PTPRG: variants seen among roughly 807,000 people sequenced by gnomAD.
PTPRG encodes receptor-type tyrosine-protein phosphatase gamma.
A neutral mutation model predicts 165.3 loss-of-function variants in PTPRG; 102 were observed. That is an observed-to-expected ratio of 0.62 (90% CI 0.53 to 0.73). The LOEUF (loss-of-function observed/expected upper bound fraction) is 0.73, where lower values mean the gene tolerates loss of function less well. Among genes scored for constraint, PTPRG ranks in the 30% least tolerant of loss-of-function variants. The pLI, the probability that PTPRG is intolerant of heterozygous loss-of-function variation, is 0.00. For synonymous variants in PTPRG, 675 were observed against 669.5 expected (o/e 1.01, Z -0.13); for missense variants, 1,866 against 1,861.4 (o/e 1.00, Z -0.05).
rs1301867613 is a variant in PTPRG at position 62,167,963 on chromosome 3, C to G, written c.841-8C>G. On this transcript the variant is annotated splice_polypyrimidine_tract_variant and splice_region_variant and intron_variant, in intron 7 of 29. Transcript: ENST00000474889. The stretch of plus-strand genomic sequence containing the variant: ...TTTTCCCCCTCCCCTCTCTGGTCCT[C>G]TGTTCAGCTTGAGGCTTTTTATTCC... The G allele has an allele frequency of 6.2e-7, 1 of 1,608,426 alleles. No homozygotes were observed. Among genetic ancestry groups the G allele is most frequent in the East Asian group, 2.2e-5 (1 of 44,830 alleles).
rs185182503 is a variant in PTPRG, at chr3:61,911,270, G to A, written c.191-78355G>A. ...TCGTAATCATGAGGTCAGTACCTGT[G>A]CCTTTGTTTCTCCTTACTGTATTTT... On this transcript the variant is annotated intron_variant, in intron 2 of 29. Transcript: ENST00000474889. Among the ~76,000 whole-genome samples the A allele has an allele frequency of 3.3e-5, 5 of 152,304 alleles. No individual in the cohort carries two copies. In the East Asian group the frequency reaches 5.8e-4, roughly 18 times the overall value.
chr3:61,731,760 T>C (rs4234691), intron 1 of PTPRG, among the ~76,000 whole-genome samples: 43,583 of 151,982 alleles, frequency 0.29, 7,094 homozygotes, highest in East Asian at 0.75. Context: ...AGTTCTCCAC[T>C]GTCCAGTAGG....
intron 4 of PTPRG, among the ~76,000 whole-genome samples, chr3:62,025,275 A>G (rs2041780445): frequency 6.6e-6 from 1 of 152,218 alleles, no homozygotes; most frequent in South Asian, 2.1e-4. Flanking sequence ...TTTTTGATGC[A>G]GATGTGTTAA....
intron 8 of PTPRG, among the ~76,000 whole-genome samples, chr3:62,182,823 A>G (rs1285039244): frequency 6.6e-6 from 1 of 152,016 alleles, no homozygotes; most frequent in Non-Finnish European, 1.5e-5. Flanking sequence ...TGCCCAGCTA[A>G]TTTTTGTATA....
At chr3:62,008,279 T>C (rs2041342702) in intron 4 of PTPRG, among the ~76,000 whole-genome samples, 1 of 151,988 alleles carries the variant, frequency 6.6e-6, no homozygotes, top group Non-Finnish European at 1.5e-5. Flanking sequence ...AAGTGGGGGG[T>C]TCATTGCATG....
At chr3:61,894,671 A>G (rs1010027909) in intron 2 of PTPRG, among the ~76,000 whole-genome samples, 1 of 152,164 alleles carries the variant, frequency 6.6e-6, no homozygotes, top group Non-Finnish European at 1.5e-5. Context: ...CAAAACTGTG[A>G]TTTCAACTTG....
At chr3:62,200,399 T>C (rs1700070958) in intron 10 of PTPRG, among the ~76,000 whole-genome samples, 1 of 151,918 alleles carries the variant, frequency 6.6e-6, no homozygotes, top group Middle Eastern at 3.2e-3. Context: ...GCCTCCCGAG[T>C]AGCTGGGACT....
rs1009120201 is a variant in PTPRG, at chr3:62,296,686, C to T, written c.*3379C>T. The T allele has an allele frequency of 2.0e-5, 3 of 150,530 alleles. No individual in the cohort carries two copies. Among genetic ancestry groups the T allele is most frequent in the African/African-American group, 4.9e-5 (2 of 40,896 alleles). The allele number at this position is 150,530 out of a possible 1,614,324, so 9.3% of individuals were successfully genotyped here. A position where few individuals can be genotyped will look rare whatever the true frequency, so the allele number is the denominator to read the frequency against. The stretch of plus-strand genomic sequence containing the variant: ...TTTTAACAGATGTAATTTCACTTAA[C>T]CCTTTGCGCTTTCCCTTAGTTGTCA... On this transcript the variant is annotated 3_prime_UTR_variant, in exon 30 of 30. Coordinates refer to ENST00000474889, the MANE Select transcript of PTPRG (RefSeq NM_002841.4).
At chr3:62,187,600 C>T (rs754988481) in intron 8 of PTPRG, among the ~76,000 whole-genome samples, 1 of 152,220 alleles carries the variant, frequency 6.6e-6, no homozygotes, top group African/African-American at 2.4e-5. Context: ...GTAGTGGTTA[C>T]GAGAGACCAT....
chr3:61,587,797 C>A (rs112427531), intron 1 of PTPRG, among the ~76,000 whole-genome samples: 1 of 152,068 alleles, frequency 6.6e-6, no homozygotes, highest in African/African-American at 2.4e-5. Context: ...GCCAGGACTA[C>A]AGGTGCACAC....
chr3:62,281,547 T>TTTTTTTTTTTTTTTTTTTTTTTG lies in PTPRG; in HGVS notation c.3766-12_3766-11insTTTTTTTTTTTTTTTTTTGTTTT. ...GACAGAACTGCAGAGGCTTTTTTTT[T>TTTTTTTTTTTTTTTTTTTTTTTG]TTTTGGATTCCAAAGGCAGAAGATG... On this transcript the variant is annotated splice_polypyrimidine_tract_variant and intron_variant, in intron 26 of 29. Coordinates refer to ENST00000474889, the MANE Select transcript of PTPRG (RefSeq NM_002841.4). The TTTTTTTTTTTTTTTTTTTTTTTG allele has an allele frequency of 7.0e-7, 1 of 1,426,288 alleles. No homozygotes were observed. The highest frequency in any genetic ancestry group is 9.4e-7 in the Non-Finnish European group (1 of 1,061,664). 88.4% of individuals were successfully genotyped at this position (1,426,288 alleles called of 1,614,324 possible).
chr3:62,021,910 T>G (rs2041703369), intron 4 of PTPRG, among the ~76,000 whole-genome samples: 2 of 151,794 alleles, frequency 1.3e-5, no homozygotes, highest in South Asian at 4.2e-4. Context: ...TTCTATTGTT[T>G]TCTGATTTCC....
chr3:61,912,579 C>A (rs1389068259), intron 2 of PTPRG, among the ~76,000 whole-genome samples: 1 of 152,192 alleles, frequency 6.6e-6, no homozygotes, highest in Non-Finnish European at 1.5e-5. Flanking sequence ...GCTCAGAAGA[C>A]CGACAGTCTT....
chr3:61,640,799 C>A (rs145732010), intron 1 of PTPRG, among the ~76,000 whole-genome samples: 22 of 152,324 alleles, frequency 1.4e-4, no homozygotes, highest in African/African-American at 5.1e-4. Flanking sequence ...GTTTCTACTT[C>A]TGGTTTCTTC....
chr3:61,696,564 G>A (rs966192982), intron 1 of PTPRG, among the ~76,000 whole-genome samples: 2 of 152,172 alleles, frequency 1.3e-5, no homozygotes, highest in African/African-American at 2.4e-5. Context: ...CCCACATTTG[G>A]TTTTATAATC....
rs1700532853 is a variant in PTPRG at position 62,217,171 on chromosome 3, A to T, written c.2156-1680A>T. 6.6e-6 allele frequency among the ~76,000 whole-genome samples: 1 copy of T among 152,156 alleles called. No individual in the cohort carries two copies. The highest frequency in any genetic ancestry group is 1.5e-5 in the Non-Finnish European group (1 of 68,024). ...GTAAGAATCTCTCCTATCTAATGAA[A>T]AAATGGAGCAGGGAGTTAGGAAAAT... On this transcript the variant is annotated intron_variant, in intron 12 of 29. Coordinates refer to ENST00000474889, the MANE Select transcript of PTPRG (RefSeq NM_002841.4). This position sits in a 1 kb window ranked among gnomAD's most constrained non-coding sequence, Gnocchi z 4.3.
intron 1 of PTPRG, among the ~76,000 whole-genome samples, chr3:61,699,312 T>C (rs1401393985): frequency 6.6e-6 from 1 of 152,206 alleles, no homozygotes; most frequent in Non-Finnish European, 1.5e-5. Flanking sequence ...CAAATCTTTT[T>C]AATGTCTGCC....
At chr3:61,817,818 G>T (rs1318138496) in intron 2 of PTPRG, among the ~76,000 whole-genome samples, 1 of 152,166 alleles carries the variant, frequency 6.6e-6, no homozygotes, top group Non-Finnish European at 1.5e-5. Context: ...GACTGCAGTG[G>T]AGCAAGATGT....
intron 1 of PTPRG, among the ~76,000 whole-genome samples, chr3:61,680,521 C>CAAAAA (rs995187234): frequency 8.5e-6 from 1 of 117,630 alleles, no homozygotes; most frequent in Non-Finnish European, 1.7e-5. Flanking sequence ...AAAAAAAACA[C>CAAAAA]AAAAAAACAG....
Sources: allele counts gnomAD v4.1 joint callset (sites outside exome capture counted in the v4.1 genomes callset), GRCh38; gene constraint gnomAD v4.1.1; non-coding constraint Gnocchi (gnomAD v3.1); transcripts MANE v1.5; gene names NCBI Gene and HGNC (gene_info 2026-07-23, HGNC 2026-07-21).